The following MAPRE2 variants were observed in gnomAD, a reference collection of about 807,000 sequenced individuals.
MAPRE2 encodes microtubule associated protein RP/EB family member 2.
A neutral mutation model predicts 43.2 loss-of-function variants in MAPRE2; 13 were observed. The ratio of observed to expected loss-of-function variants is 0.30; its 90% CI spans 0.20 to 0.48. The LOEUF (loss-of-function observed/expected upper bound fraction) is 0.48. Among genes scored for constraint, MAPRE2 ranks in the 20% least tolerant of loss-of-function variants. MAPRE2 has a pLI of 0.99. For synonymous variants in MAPRE2, 135 were observed against 148.8 expected, an observed-to-expected ratio of 0.91 and a Z score of 0.68; for missense variants, 161 against 400.2, an observed-to-expected ratio of 0.40 and a Z score of 5.10.
At chr18:35,041,696 C>T (rs762222211) in intron 1 of MAPRE2, 35 bp downstream of exon 1, 16 of 1,613,718 alleles carry the variant, frequency 9.9e-6, no homozygotes, top group Non-Finnish European at 1.4e-5. Flanking sequence ...CGCCGGGGAC[C>T]GCCGTGAGGG....
At chr18:35,134,386 T>C (rs1910294405) in intron 6 of MAPRE2, among the ~76,000 whole-genome samples, 1 of 152,378 alleles carries the variant, frequency 6.6e-6, no homozygotes, top group South Asian at 2.1e-4. Flanking sequence ...TTGTATTCAT[T>C]TACTACGTAG....
At chr18:34,989,852 T>C (rs1038184343) in intron 1 of MAPRE2, among the ~76,000 whole-genome samples, 1 of 152,168 alleles carries the variant, frequency 6.6e-6, no homozygotes, top group Non-Finnish European at 1.5e-5. Flanking sequence ...GATCCCCCGG[T>C]AATCTGTTGT....
At chr18:35,100,679 C>T (rs757401286) in intron 3 of MAPRE2, among the ~76,000 whole-genome samples, 52 of 152,194 alleles carry the variant, frequency 3.4e-4, no homozygotes, top group Non-Finnish European at 5.7e-4. Context: ...CATCTCCACT[C>T]TCTAGTAACT....
At chr18:35,024,665 C>T (rs1047877350) in intron 2 of MAPRE2, among the ~76,000 whole-genome samples, 3 of 152,172 alleles carry the variant, frequency 2.0e-5, no homozygotes, top group Non-Finnish European at 2.9e-5. Flanking sequence ...TTGGTTCTTA[C>T]ATTTGCCTGG....
At chr18:35,131,161 G>A (rs35191012) in intron 5 of MAPRE2, among the ~76,000 whole-genome samples, 21,016 of 152,158 alleles carry the variant, frequency 0.14, 1,655 homozygotes, top group South Asian at 0.24. Context: ...CCTGGAGAGC[G>A]TTTGTCTAAT....
intron 2 of MAPRE2, among the ~76,000 whole-genome samples, chr18:35,081,759 A>G (rs1198052625): frequency 1.3e-5 from 2 of 152,098 alleles, no homozygotes; most frequent in African/African-American, 4.8e-5. Context: ...AACTTGAGAA[A>G]GGGGCGCATT....
chr18:35,125,515 C>G (rs1025876404), intron 4 of MAPRE2, among the ~76,000 whole-genome samples: 2 of 152,214 alleles, frequency 1.3e-5, no homozygotes, highest in African/African-American at 4.8e-5. Flanking sequence ...GTGTTTCTTG[C>G]TCTAAATAAG....
intron 1 of MAPRE2, among the ~76,000 whole-genome samples, chr18:34,979,369 T>C (rs1262506025): frequency 6.6e-6 from 1 of 152,136 alleles, no homozygotes; most frequent in East Asian, 1.9e-4. Flanking sequence ...TCCCAGTGAA[T>C]AGGAAGTAAT....
intron 1 of MAPRE2, among the ~76,000 whole-genome samples, chr18:35,051,561 C>T (rs951361651): frequency 1.3e-4 from 20 of 152,162 alleles, no homozygotes; most frequent in African/African-American, 4.8e-4. Context: ...TGGTCTGTAC[C>T]GAAAAGGGAA....
At chr18:35,032,590 G>C (rs2097048342) in intron 2 of MAPRE2, among the ~76,000 whole-genome samples, 1 of 152,166 alleles carries the variant, frequency 6.6e-6, no homozygotes, top group African/African-American at 2.4e-5. Context: ...TGTGCTATAA[G>C]CTAGGGACTC....
At chr18:35,054,252 C>T (rs1906103126) in intron 1 of MAPRE2, among the ~76,000 whole-genome samples, 1 of 152,142 alleles carries the variant, frequency 6.6e-6, no homozygotes, top group Non-Finnish European at 1.5e-5. Flanking sequence ...ACTGAGGGAC[C>T]TCGTTTTGGA....
intron 1 of MAPRE2, among the ~76,000 whole-genome samples, chr18:34,998,452 A>C (rs1048880870): frequency 1.0e-4 from 15 of 149,390 alleles, no homozygotes; most frequent in Admixed American, 9.5e-4. Flanking sequence ...TCAGCCTCCC[A>C]AGTAGCTGGG....
intron 1 of MAPRE2, among the ~76,000 whole-genome samples, chr18:35,045,662 A>G (rs991161954): frequency 2.6e-5 from 4 of 152,184 alleles, no homozygotes; most frequent in South Asian, 2.1e-4. Context: ...GTTCCATTCA[A>G]TAGAGGCTAT....
Position 35,070,329 on chromosome 18 carries a change from CAT to C in MAPRE2, c.250+10_250+11del, listed in dbSNP as rs780466063. 6.3e-7 allele frequency: 1 copy of C among 1,586,868 alleles called. No homozygotes were observed. ...GTGGAACAGCTTTGTTCAGGTAAGA[CAT>C]ATTCTTTTAAGTGTTTACCTAAATA... On this transcript the variant is annotated splice_region_variant and intron_variant, in intron 2 of 6. Transcript: ENST00000300249.
intron 2 of MAPRE2, among the ~76,000 whole-genome samples, chr18:35,092,452 A>G (rs1431787588): frequency 6.6e-6 from 1 of 152,200 alleles, no homozygotes; most frequent in Non-Finnish European, 1.5e-5. Context: ...ACCACATACA[A>G]AAATCAACTC....
chr18:35,081,148 G>C (rs942250889), intron 2 of MAPRE2, among the ~76,000 whole-genome samples: 1 of 152,120 alleles, frequency 6.6e-6, no homozygotes, highest in Non-Finnish European at 1.5e-5. Flanking sequence ...TTAAAATTGC[G>C]CAGAATTGTG....
intron 2 of MAPRE2, among the ~76,000 whole-genome samples, chr18:35,010,782 T>C (rs1339915448): frequency 1.3e-5 from 2 of 152,230 alleles, no homozygotes; most frequent in Non-Finnish European, 2.9e-5. Flanking sequence ...ATGGATGTGT[T>C]GGTAAGACTT....
intron 4 of MAPRE2, among the ~76,000 whole-genome samples, chr18:35,110,193 T>C (rs1317710661): frequency 1.3e-5 from 2 of 152,168 alleles, no homozygotes; most frequent in African/African-American, 4.8e-5. Context: ...AAACCTACAC[T>C]GTCTAATACA....
At chr18:34,991,264 T>C (rs1177975567) in intron 1 of MAPRE2, among the ~76,000 whole-genome samples, 3 of 152,188 alleles carry the variant, frequency 2.0e-5, no homozygotes, top group Non-Finnish European at 4.4e-5. Context: ...TTTACGTCTA[T>C]GTGTACCCAC....
Sources: allele counts gnomAD v4.1 joint callset (sites outside exome capture counted in the v4.1 genomes callset), GRCh38; gene constraint gnomAD v4.1.1; transcripts MANE v1.5; gene names NCBI Gene and HGNC (gene_info 2026-07-23, HGNC 2026-07-21).